The following RAD51B variants were observed in gnomAD, a reference collection of about 807,000 sequenced individuals.
RAD51B encodes the protein DNA repair protein RAD51 homolog 2.
In RAD51B, 38 loss-of-function variants were observed where a neutral mutation model predicts 42.2. The observed-to-expected ratio is 0.90, with a 90% CI of 0.70 to 1.18. The LOEUF is 1.18. Ranked by LOEUF, RAD51B falls within the 50% of genes most tolerant of loss-of-function variation. The probability of loss-of-function intolerance (pLI) is 0.00; values close to 1 mark genes in which losing one functional copy is unlikely to be tolerated. For synonymous variants in RAD51B, 154 were observed against 145.2 expected (o/e 1.06, Z -0.43); for missense variants, 373 against 400.7 (o/e 0.93, Z 0.59).
intron 7 of RAD51B, among the ~76,000 whole-genome samples, chr14:67,940,571 A>C (rs2045164762): frequency 6.6e-6 from 1 of 152,106 alleles, no homozygotes; most frequent in Non-Finnish European, 1.5e-5. Flanking sequence ...TGTGTCCCAT[A>C]AGGTTCCATG....
At chr14:68,302,794 C>T (rs1470398623) in intron 8 of RAD51B, among the ~76,000 whole-genome samples, 3 of 152,226 alleles carry the variant, frequency 2.0e-5, no homozygotes, top group African/African-American at 7.2e-5. Context: ...GGAGCATATC[C>T]TTAAGGCACA....
At chr14:68,307,908 G>A (rs117249769) in intron 8 of RAD51B, among the ~76,000 whole-genome samples, 12 of 152,228 alleles carry the variant, frequency 7.9e-5, no homozygotes, top group African/African-American at 2.6e-4. Flanking sequence ...TCATATTCAC[G>A]ATTGAGGCTC....
Position 68,025,390 on chromosome 14 carries a change from A to G in RAD51B, c.756+138186A>G, listed in dbSNP as rs116384452. 2.0e-3 allele frequency among the ~76,000 whole-genome samples: 289 copies of G among 146,866 alleles called. 1 individual carries two copies. The highest frequency in any genetic ancestry group is 6.5e-3 in the African/African-American group (258 of 39,398). On this transcript the variant is annotated intron_variant, in intron 7 of 10. Transcript: ENST00000471583. The stretch of plus-strand genomic sequence containing the variant: ...GTTATGGAGGAGTCCCTCTTCCTCA[A>G]TTTTCTGAAATAGTTTTAGTAGGAT...
rs182706552 is a variant in RAD51B at position 67,983,603 on chromosome 14, A to G, written c.756+96399A>G. Among the ~76,000 whole-genome samples, 5 of 152,338 alleles carry G rather than the reference A, an allele frequency of 3.3e-5. No homozygotes were observed. In the East Asian group the frequency reaches 9.6e-4, roughly 29 times the overall value. On this transcript the variant is annotated intron_variant, in intron 7 of 10. Coordinates refer to ENST00000471583, the MANE Select transcript of RAD51B (RefSeq NM_133510.4). ...ACACTAGGGATGGTTTTTACTATAT[A>G]TAATGATGTTTAAGAGGTACTTAAA... is the stretch of plus-strand genomic sequence containing the variant.
At chr14:68,164,295 G>T (rs2078705072) in intron 7 of RAD51B, among the ~76,000 whole-genome samples, 1 of 152,154 alleles carries the variant, frequency 6.6e-6, no homozygotes, top group South Asian at 2.1e-4. Context: ...ACCTGGTAAT[G>T]AAATTGTTAG....
chr14:67,845,207 G>A (rs2041570454), intron 4 of RAD51B, among the ~76,000 whole-genome samples: 1 of 152,328 alleles, frequency 6.6e-6, no homozygotes, highest in East Asian at 1.9e-4. Context: ...AATGGTCTAT[G>A]TACTTAAGTG....
chr14:68,213,564 T>TTTAGGGAC (rs2079754862), intron 7 of RAD51B, among the ~76,000 whole-genome samples: 1 of 152,166 alleles, frequency 6.6e-6, no homozygotes, highest in African/African-American at 2.4e-5. Flanking sequence ...AAGGAAAAGA[T>TTTAGGGAC]TTAGGGACAT....
At chr14:68,651,412 G>A (rs1057344741) in intron 11 of RAD51B, among the ~76,000 whole-genome samples, 14 of 152,092 alleles carry the variant, frequency 9.2e-5, no homozygotes, top group African/African-American at 3.1e-4. Flanking sequence ...TAATCTGCCC[G>A]CCTTGGCCTC....
At chr14:67,894,382 A>T (rs1164449799) in intron 7 of RAD51B, among the ~76,000 whole-genome samples, 1 of 151,958 alleles carries the variant, frequency 6.6e-6, no homozygotes, top group Non-Finnish European at 1.5e-5. Flanking sequence ...ACCCTCCTTT[A>T]TCTGGTTAAC....
intron 7 of RAD51B, among the ~76,000 whole-genome samples, chr14:68,015,639 C>A (rs1595260569): frequency 6.6e-6 from 1 of 152,152 alleles, no homozygotes; most frequent in Non-Finnish European, 1.5e-5. Context: ...TGGGAAAAAA[C>A]CTGTCCCCGT....
At chr14:67,936,334 TG>T (rs1288386912) in intron 7 of RAD51B, among the ~76,000 whole-genome samples, 2 of 152,200 alleles carry the variant, frequency 1.3e-5, no homozygotes, top group Non-Finnish European at 2.9e-5. Flanking sequence ...TTCATGAAAG[TG>T]GAGTCATATA....
At chr14:67,921,863 C>T (rs1247563636) in intron 7 of RAD51B, among the ~76,000 whole-genome samples, 1 of 152,174 alleles carries the variant, frequency 6.6e-6, no homozygotes, top group East Asian at 1.9e-4. Flanking sequence ...GGTGAATTAG[C>T]GTGGCCCCTG....
intron 8 of RAD51B, among the ~76,000 whole-genome samples, chr14:68,318,778 A>G (rs1595702369): frequency 1.3e-5 from 2 of 152,184 alleles, no homozygotes; most frequent in East Asian, 3.9e-4. Flanking sequence ...GTGGCATTGA[A>G]CCCGCCAAAG....
rs550436329 is a variant in RAD51B, at chr14:68,336,518, G to T, written c.853+44538G>T. On this transcript the variant is annotated intron_variant, in intron 8 of 10. Transcript: ENST00000471583. ...GAAATAAAGGACTGAGTCCCTGGGG[G>T]TGTTACTGTCCAATACATAGATTGC... 7.2e-5 allele frequency among the ~76,000 whole-genome samples: 11 copies of T among 152,306 alleles called. No individual in the cohort carries two copies. The South Asian group carries it at 8.3e-4, about 11-fold the overall frequency.
intron 8 of RAD51B, among the ~76,000 whole-genome samples, chr14:68,310,455 C>T (rs1362015305): frequency 6.6e-6 from 1 of 152,126 alleles, no homozygotes; most frequent in Non-Finnish European, 1.5e-5. Context: ...ATGATCACAA[C>T]AATATTAGTG....
At chr14:68,379,551 C>A (rs1566844364) in intron 8 of RAD51B, among the ~76,000 whole-genome samples, 1 of 152,104 alleles carries the variant, frequency 6.6e-6, no homozygotes, top group African/African-American at 2.4e-5. Flanking sequence ...AATACTTACT[C>A]CCACCATAGG....
chr14:68,198,561 G>C (rs2079421200), intron 7 of RAD51B, among the ~76,000 whole-genome samples: 1 of 152,080 alleles, frequency 6.6e-6, no homozygotes, highest in Non-Finnish European at 1.5e-5. Flanking sequence ...AATTTTCCAT[G>C]ACCATGATCA....
At position 68,456,088 on chromosome 14, in the gene RAD51B, C is replaced by T. The variant is rs553269462; in HGVS notation, c.958-12084C>T. Among the ~76,000 whole-genome samples the T allele has an allele frequency of 1.2e-4, 19 of 152,214 alleles. No individual in the cohort carries two copies. In the South Asian group the frequency reaches 3.7e-3, roughly 30 times the overall value. On this transcript the variant is annotated intron_variant, in intron 9 of 10. Transcript: ENST00000471583. ...CAAAAATGCATAGTGGAAGAAACAA[C>T]AAGAGAGTTAAAATTGTACACTAGA...
chr14:68,168,625 C>T (rs1242021897), intron 7 of RAD51B, among the ~76,000 whole-genome samples: 1 of 152,112 alleles, frequency 6.6e-6, no homozygotes, highest in Non-Finnish European at 1.5e-5. Context: ...TGTTGCATGC[C>T]TTTCACTCAG....
Sources: gnomAD v4.1 joint callset for allele counts (sites outside exome capture counted in the v4.1 genomes callset) on GRCh38, gnomAD v4.1.1 for gene constraint, MANE v1.5 for transcripts, NCBI Gene and HGNC (gene_info 2026-07-23, HGNC 2026-07-21) for gene names.